The following RAB3B variants were observed in gnomAD, a reference collection of about 807,000 sequenced individuals.
RAB3B encodes the protein RAB3B, member RAS oncogene family.
RAB3B carries 11 observed loss-of-function variants against 20.5 expected under a neutral mutation model. That is an observed-to-expected ratio of 0.54 (90% CI 0.34 to 0.89). The LOEUF (loss-of-function observed/expected upper bound fraction) is 0.89. Ranked by LOEUF, RAB3B falls within the 40% of genes least tolerant of loss-of-function variation. The pLI, the probability that RAB3B is intolerant of heterozygous loss-of-function variation, is 0.02. For missense variants in RAB3B, 225 were observed against 280.9 expected (o/e 0.80, Z 1.42); for synonymous variants, 99 against 106.3 (o/e 0.93, Z 0.42).
intron 4 of RAB3B, 134 bp downstream of exon 4, chr1:51,933,184 C>G: frequency 1.1e-6 from 1 of 937,370 alleles, no homozygotes; most frequent in Non-Finnish European, 1.6e-6. Flanking sequence ...ACAATACACA[C>G]AGATCACATA....
rs775111602 is a variant in RAB3B, at chr1:51,909,927, G to A, written c.*10000C>T. 6.6e-6 allele frequency: 1 copy of A among 152,126 alleles called. No individual in the cohort carries two copies. The highest frequency in any genetic ancestry group is 1.5e-5 in the Non-Finnish European group (1 of 68,030). The allele number at this position is 152,126 out of a possible 1,614,324, so 9.4% of individuals were successfully genotyped here. A position where few individuals can be genotyped will look rare whatever the true frequency, so the allele number is the denominator to read the frequency against. On this transcript the variant is annotated 3_prime_UTR_variant, in exon 5 of 5. Transcript: ENST00000371655. Reference sequence around the variant, plus strand: ...ACATTGTGTAGTGCCAACATCACACGTTCGGCATCTACTGTGTGTGCACGG... The same window carrying A: ...ACATTGTGTAGTGCCAACATCACACATTCGGCATCTACTGTGTGTGCACGG...
In RAB3B at chr1:51,915,536, A is replaced by G. The variant is rs1229386653; in HGVS notation, c.*4391T>C. The G allele has an allele frequency of 6.6e-6, 1 of 152,172 alleles. No homozygotes were observed. Among genetic ancestry groups the G allele is most frequent in the African/African-American group, 2.4e-5 (1 of 41,436 alleles). 9.4% of individuals were successfully genotyped at this position (152,172 alleles called of 1,614,324 possible). On this transcript the variant is annotated 3_prime_UTR_variant, in exon 5 of 5. Coordinates refer to ENST00000371655, the MANE Select transcript of RAB3B (RefSeq NM_002867.4). Reference sequence around the variant, plus strand: ...ACTCCACTGCTGCTCCTAGAAGTTAATAATGCTATAGACTGAGGAGACAAT... The same window carrying G: ...ACTCCACTGCTGCTCCTAGAAGTTAGTAATGCTATAGACTGAGGAGACAAT...
chr1:51,990,262 C>T (rs1293442298), intron 1 of RAB3B, among the ~76,000 whole-genome samples: 22 of 109,772 alleles, frequency 2.0e-4, no homozygotes, highest in African/African-American at 6.1e-4. Flanking sequence ...TCCCTCACTG[C>T]CCTCCAGTTG....
chr1:51,989,883 C>A (rs1685200398), intron 1 of RAB3B, among the ~76,000 whole-genome samples: 1 of 149,708 alleles, frequency 6.7e-6, no homozygotes, highest in African/African-American at 2.5e-5. Context: ...GCTATCCATA[C>A]CCACATCCCC....
chr1:51,968,917 CCT>C (rs546038376), intron 2 of RAB3B, among the ~76,000 whole-genome samples: 180 of 152,324 alleles, frequency 1.2e-3, no homozygotes, highest in African/African-American at 4.1e-3. Flanking sequence ...TCTTAAGACT[CCT>C]CTTGTTTGTC....
At chr1:51,972,035 G>C (rs896024989) in intron 2 of RAB3B, among the ~76,000 whole-genome samples, 1 of 152,140 alleles carries the variant, frequency 6.6e-6, no homozygotes, top group Non-Finnish European at 1.5e-5. Context: ...ACAAAAATTA[G>C]CCAGGCGTGG....
chr1:51,989,208 TTGTGTGTG>T lies in RAB3B; in HGVS notation c.-1+1336_-1+1343del, dbSNP rs60661761. Among the ~76,000 whole-genome samples, 709 of 99,852 alleles carry T rather than the reference TTGTGTGTG, an allele frequency of 7.1e-3. 6 individuals are homozygous for T. The highest frequency in any genetic ancestry group is 0.021 in the African/African-American group (494 of 23,164). The allele number at this position is 99,852 out of a possible 152,430, so 65.5% of individuals were successfully genotyped here. On this transcript the variant is annotated intron_variant, in intron 1 of 4. Coordinates refer to ENST00000371655, the MANE Select transcript of RAB3B (RefSeq NM_002867.4). Reference sequence around the variant, plus strand: ...CCGGGGGAAGAGGGCCCATCTTGTTTTGTGTGTGTGTGTGTGTGTGTGTGTGTGTGTGT... The same window carrying T: ...CCGGGGGAAGAGGGCCCATCTTGTTTTGTGTGTGTGTGTGTGTGTGTGTGT...
In RAB3B at chr1:51,933,460, G is replaced by A; in HGVS notation, c.348-18C>T. 6.2e-7 allele frequency: 1 copy of A among 1,605,162 alleles called. No individual in the cohort carries two copies. The highest frequency in any genetic ancestry group is 8.5e-7 in the Non-Finnish European group (1 of 1,173,258). ...GAGTAGCCCTAAAATGAGATAGAAAGAGATATGTTAATCATATTCCTATAG... is the reference window on the plus strand; with the variant it reads ...GAGTAGCCCTAAAATGAGATAGAAAAAGATATGTTAATCATATTCCTATAG... On this transcript the variant is annotated intron_variant, in intron 3 of 4. Coordinates refer to ENST00000371655, the MANE Select transcript of RAB3B (RefSeq NM_002867.4).
At chr1:51,968,072 T>C (rs1262626445) in intron 2 of RAB3B, among the ~76,000 whole-genome samples, 1 of 151,924 alleles carries the variant, frequency 6.6e-6, no homozygotes, top group African/African-American at 2.4e-5. Flanking sequence ...GCTTTGAAGA[T>C]GGATGGAAGA....
intron 4 of RAB3B, among the ~76,000 whole-genome samples, chr1:51,930,449 C>T (rs1476531072): frequency 6.6e-6 from 1 of 152,218 alleles, no homozygotes; most frequent in Non-Finnish European, 1.5e-5. Context: ...GGAGCACAGG[C>T]TCTGGGAGCC....
intron 1 of RAB3B, chr1:51,980,601 CAT>C (rs1340633559): frequency 1.3e-6 from 1 of 778,688 alleles, no homozygotes; most frequent in African/African-American, 1.7e-5. Context: ...TCATTTGAAA[CAT>C]AGTGGAGGCC....
intron 4 of RAB3B, among the ~76,000 whole-genome samples, chr1:51,920,858 A>T (rs1038450086): frequency 6.6e-6 from 1 of 151,988 alleles, no homozygotes; most frequent in Non-Finnish European, 1.5e-5. Flanking sequence ...CCATAGCCAC[A>T]CTGGTTTATT....
At chr1:51,925,068 C>T (rs141291512) in intron 4 of RAB3B, among the ~76,000 whole-genome samples, 25 of 152,314 alleles carry the variant, frequency 1.6e-4, no homozygotes, top group Non-Finnish European at 3.2e-4. Flanking sequence ...GACCCATAGA[C>T]TGCATCCACA....
At chr1:51,962,298 G>T (rs1684794226) in intron 2 of RAB3B, among the ~76,000 whole-genome samples, 1 of 152,212 alleles carries the variant, frequency 6.6e-6, no homozygotes, top group Admixed American at 6.5e-5. Context: ...CATCAGCTTT[G>T]TGGGAGATAG....
chr1:51,949,538 C>A (rs72903991), intron 2 of RAB3B, among the ~76,000 whole-genome samples: 2,322 of 152,306 alleles, frequency 0.015, 61 homozygotes, highest in African/African-American at 0.053. Context: ...CAGGGTCCAG[C>A]CAGCCATTCC....
In RAB3B at chr1:51,908,141, A is replaced by T. The variant is rs1011694795; in HGVS notation, c.*11786T>A. 1.3e-5 allele frequency: 2 copies of T among 152,180 alleles called. No individual in the cohort carries two copies. Among genetic ancestry groups the T allele is most frequent in the African/African-American group, 4.8e-5 (2 of 41,466 alleles). The allele number at this position is 152,180 out of a possible 1,614,324, so 9.4% of individuals were successfully genotyped here. On this transcript the variant is annotated 3_prime_UTR_variant, in exon 5 of 5. Coordinates refer to ENST00000371655, the MANE Select transcript of RAB3B (RefSeq NM_002867.4). ...TATATATATTCCTTTATATTTATAC[A>T]AACTCACAACACATGACATTTCATA...
chr1:51,951,106 C>T (rs558370161), intron 2 of RAB3B, among the ~76,000 whole-genome samples: 1 of 151,176 alleles, frequency 6.6e-6, no homozygotes, highest in Admixed American at 6.6e-5. Context: ...CTTACAGGAG[C>T]CTGACAATGA....
At chr1:51,923,859 C>T (rs1684207259) in intron 4 of RAB3B, among the ~76,000 whole-genome samples, 1 of 152,012 alleles carries the variant, frequency 6.6e-6, no homozygotes, top group Non-Finnish European at 1.5e-5. Flanking sequence ...TAAATGAATA[C>T]ACAAATAAAT....
At position 51,915,531 on chromosome 1, in the gene RAB3B, A is replaced by G. The variant is rs754979834; in HGVS notation, c.*4396T>C. ...ACTCTACTCCACTGCTGCTCCTAGA[A>G]GTTAATAATGCTATAGACTGAGGAG... On this transcript the variant is annotated 3_prime_UTR_variant, in exon 5 of 5. Coordinates refer to ENST00000371655, the MANE Select transcript of RAB3B (RefSeq NM_002867.4). The G allele has an allele frequency of 3.9e-5, 6 of 152,160 alleles. No individual in the cohort carries two copies. Among genetic ancestry groups the G allele is most frequent in the Non-Finnish European group, 7.3e-5 (5 of 68,038 alleles). 9.4% of individuals were successfully genotyped at this position (152,160 alleles called of 1,614,324 possible). A position where few individuals can be genotyped will look rare whatever the true frequency, so the allele number is the denominator to read the frequency against.
Sources: allele counts gnomAD v4.1 joint callset (sites outside exome capture counted in the v4.1 genomes callset), GRCh38; gene constraint gnomAD v4.1.1; transcripts MANE v1.5; gene names NCBI Gene and HGNC (gene_info 2026-07-23, HGNC 2026-07-21).